GRID2: variants seen among roughly 807,000 people sequenced by gnomAD.
GRID2 encodes glutamate receptor ionotropic, delta-2.
In GRID2, 33 loss-of-function variants were observed where a neutral mutation model predicts 114.8. The ratio of observed to expected loss-of-function variants is 0.29; its 90% CI spans 0.22 to 0.38. The LOEUF is 0.38. Among genes scored for constraint, GRID2 ranks in the 10% least tolerant of loss-of-function variants. The pLI, the probability that GRID2 is intolerant of heterozygous loss-of-function variation, is 1.00. For missense variants in GRID2, 1,184 were observed against 1,257.7 expected (o/e 0.94, Z 0.89); for synonymous variants, 505 against 449.9 (o/e 1.12, Z -1.55).
chr4:92,842,978 C>A (rs1303396147), intron 2 of GRID2, among the ~76,000 whole-genome samples: 2 of 152,104 alleles, frequency 1.3e-5, no homozygotes, highest in African/African-American at 4.8e-5. Context: ...GTGTTTTACA[C>A]CGGTAATGTA....
rs1431563173 is a variant in GRID2 at position 93,690,473 on chromosome 4, A to G, written c.2360+64038A>G. On this transcript the variant is annotated intron_variant, in intron 14 of 15. Transcript: ENST00000282020. ...CTAAATTTCAAATTATGGTCTTGGT[A>G]TAAATTCCCAGAAATGTATTATTAA... 4.5e-4 allele frequency among the ~76,000 whole-genome samples: 69 copies of G among 152,026 alleles called. 1 individual carries two copies. Among genetic ancestry groups the G allele is most frequent in the Non-Finnish European group, 4.4e-5 (3 of 67,908 alleles).
intron 13 of GRID2, among the ~76,000 whole-genome samples, chr4:93,596,003 C>A (rs1739041507): frequency 6.6e-6 from 1 of 152,072 alleles, no homozygotes; most frequent in African/African-American, 2.4e-5. Context: ...AAACTGAGGT[C>A]CCGAGTAGTT....
intron 3 of GRID2, among the ~76,000 whole-genome samples, chr4:93,104,061 T>G (rs1270028349): frequency 6.6e-6 from 1 of 152,074 alleles, no homozygotes; most frequent in African/African-American, 2.4e-5. Flanking sequence ...CTAGTAGTCT[T>G]TGGTGTCTAT....
At chr4:93,723,697 G>A (rs1463119841) in intron 14 of GRID2, among the ~76,000 whole-genome samples, 1 of 152,182 alleles carries the variant, frequency 6.6e-6, no homozygotes, top group African/African-American at 2.4e-5. Context: ...AAATTCAGTA[G>A]TTTGACTAAT....
intron 8 of GRID2, among the ~76,000 whole-genome samples, chr4:93,338,908 CCA>C (rs1253476091): frequency 2.0e-5 from 3 of 152,142 alleles, no homozygotes; most frequent in African/African-American, 7.2e-5. Context: ...ATCTGTGTAA[CCA>C]ATAGGAAACA....
intron 14 of GRID2, among the ~76,000 whole-genome samples, chr4:93,752,338 C>T (rs1229853656): frequency 2.0e-5 from 3 of 151,398 alleles, no homozygotes; most frequent in African/African-American, 7.3e-5. Context: ...CCACGTTTTC[C>T]TAACTAATAC....
At chr4:93,802,069 C>T (rs962528445) in intron 1 of GRID2, among the ~76,000 whole-genome samples, 1 of 152,222 alleles carries the variant, frequency 6.6e-6, no homozygotes, top group Non-Finnish European at 1.5e-5. Flanking sequence ...TGTACAGTAG[C>T]TGTTTCAGAC....
At position 92,605,158 on chromosome 4, in the gene GRID2, T is replaced by G. The variant is rs184456345; in HGVS notation, c.244+14872T>G. 2.2e-3 allele frequency among the ~76,000 whole-genome samples: 342 copies of G among 152,176 alleles called. 1 individual carries two copies. In the Middle Eastern group the frequency reaches 0.024, roughly 11 times the overall value. The stretch of plus-strand genomic sequence containing the variant: ...AAATCTCTTTCCTTTATAAATTACC[T>G]GGTCTCAGGCAGTTCTTTATAGCAG... On this transcript the variant is annotated intron_variant, in intron 2 of 15. Transcript: ENST00000282020.
chr4:92,870,267 GAC>G (rs370794678), intron 2 of GRID2, among the ~76,000 whole-genome samples: 1,582 of 144,102 alleles, frequency 0.011, 10 homozygotes, highest in South Asian at 0.034. Context: ...ACATTATACG[GAC>G]ACACACACAC....
At chr4:92,922,087 G>C (rs1749398568) in intron 2 of GRID2, among the ~76,000 whole-genome samples, 1 of 152,188 alleles carries the variant, frequency 6.6e-6, no homozygotes, top group Admixed American at 6.5e-5. Context: ...CTTGCAGTTT[G>C]ATCTCAGACT....
intron 1 of GRID2, among the ~76,000 whole-genome samples, chr4:92,475,804 T>A (rs560044489): frequency 6.6e-6 from 1 of 152,080 alleles, no homozygotes; most frequent in Non-Finnish European, 1.5e-5. Context: ...CAAGAATATG[T>A]GATATCCTTT....
intron 4 of GRID2, among the ~76,000 whole-genome samples, chr4:93,202,951 A>T (rs1298573305): frequency 6.6e-6 from 1 of 152,040 alleles, no homozygotes; most frequent in East Asian, 1.9e-4. Context: ...TATATATATC[A>T]TACTACTATA....
chr4:93,268,369 C>A (rs1297666506), intron 8 of GRID2, among the ~76,000 whole-genome samples: 2 of 152,078 alleles, frequency 1.3e-5, no homozygotes, highest in South Asian at 2.1e-4. Flanking sequence ...GATCGGAAAC[C>A]CACCTCATGA....
intron 13 of GRID2, among the ~76,000 whole-genome samples, chr4:93,620,811 A>G (rs1214780837): frequency 2.0e-5 from 3 of 152,296 alleles, no homozygotes; most frequent in Non-Finnish European, 4.4e-5. Context: ...TATGTTTTCA[A>G]TTGGTTAGGT....
chr4:92,799,849 A>G (rs537956692), intron 2 of GRID2, among the ~76,000 whole-genome samples: 2 of 152,116 alleles, frequency 1.3e-5, no homozygotes, highest in African/African-American at 2.4e-5. Flanking sequence ...GACTAGGTCA[A>G]GTTATTCTCT....
chr4:93,429,605 G>A (rs1485024), intron 10 of GRID2, among the ~76,000 whole-genome samples: 12,924 of 152,062 alleles, frequency 0.085, 729 homozygotes, highest in African/African-American at 0.16. Flanking sequence ...ATTATCAAAT[G>A]CTAAATTATA....
chr4:93,494,096 T>A lies in GRID2; in HGVS notation c.1997+3319T>A, dbSNP rs548838975. ...CATTCAAAATCTCATTTGTAACTAATGCCAAAGTTTCTTGGGAAAATTCTA... is the reference window on the plus strand; with the variant it reads ...CATTCAAAATCTCATTTGTAACTAAAGCCAAAGTTTCTTGGGAAAATTCTA... On this transcript the variant is annotated intron_variant, in intron 12 of 15. Transcript: ENST00000282020. Among the ~76,000 whole-genome samples the A allele has an allele frequency of 4.0e-4, 61 of 151,962 alleles. No individual in the cohort carries two copies. The South Asian group carries it at 0.013, about 31-fold the overall frequency.
chr4:92,442,706 G>A (rs966333411), intron 1 of GRID2, among the ~76,000 whole-genome samples: 1 of 152,092 alleles, frequency 6.6e-6, no homozygotes, highest in African/African-American at 2.4e-5. Flanking sequence ...ACCTTTTAGG[G>A]TCTAGGGCTG....
At chr4:93,013,527 T>A (rs113908217) in intron 2 of GRID2, among the ~76,000 whole-genome samples, 1 of 151,900 alleles carries the variant, frequency 6.6e-6, no homozygotes. Context: ...TATATATATA[T>A]ACCCACACAC....
Sources: gnomAD v4.1 joint callset for allele counts (sites outside exome capture counted in the v4.1 genomes callset) on GRCh38, gnomAD v4.1.1 for gene constraint, MANE v1.5 for transcripts, NCBI Gene and HGNC (gene_info 2026-07-23, HGNC 2026-07-21) for gene names.